SLC28A3: variants seen among roughly 807,000 people sequenced by gnomAD.
The protein encoded by SLC28A3 is solute carrier family 28 member 3.
SLC28A3 carries 68 observed loss-of-function variants against 84.2 expected under a neutral mutation model. The ratio of observed to expected loss-of-function variants is 0.81; its 90% confidence interval spans 0.66 to 0.99. The LOEUF (loss-of-function observed/expected upper bound fraction) is 0.99, where lower values mean the gene tolerates loss of function less well. Ranked by LOEUF, SLC28A3 falls within the 50% of genes least tolerant of loss-of-function variation. SLC28A3 has a pLI of 0.00. For missense variants in SLC28A3, 712 were observed against 841.5 expected (o/e 0.85, Z 1.90); for synonymous variants, 267 against 303.6 (o/e 0.88, Z 1.25).
At chr9:84,293,310 T>C (rs538790731) in intron 9 of SLC28A3, among the ~76,000 whole-genome samples, 42 of 152,334 alleles carry the variant, frequency 2.8e-4, no homozygotes, top group Non-Finnish European at 3.8e-4. Context: ...CTAGAGATGG[T>C]GGATGAGGAC....
chr9:84,368,481 C>T, the SLC28A3 span, among the ~76,000 whole-genome samples: 1 of 152,118 alleles, frequency 6.6e-6, no homozygotes, highest in Non-Finnish European at 1.5e-5. Flanking sequence ...GTTCAGGTCC[C>T]AAGCGCTCTT....
intron 1 of SLC28A3, among the ~76,000 whole-genome samples, chr9:84,315,108 G>A (rs1403949770): frequency 6.6e-6 from 1 of 152,120 alleles, no homozygotes; most frequent in Non-Finnish European, 1.5e-5. Context: ...AGCATGAAAA[G>A]AAAAAATATA....
rs146601418 is a variant in SLC28A3 at position 84,325,976 on chromosome 9, G to A, written c.61-12522C>T. On this transcript the variant is annotated intron_variant, in intron 1 of 17. Transcript: ENST00000376238. ...GTAAGTGGCTTCTTATAAGGACTAGGTTAAATACCTAGTCCTTGTGTGGGG... is the reference window on the plus strand; with the variant it reads ...GTAAGTGGCTTCTTATAAGGACTAGATTAAATACCTAGTCCTTGTGTGGGG... Among the ~76,000 whole-genome samples the A allele has an allele frequency of 1.8e-3, 275 of 152,268 alleles. 6 individuals are homozygous for A. The East Asian group carries it at 0.037, about 20-fold the overall frequency.
At chr9:84,338,679 C>T (rs757065984) in intron 1 of SLC28A3, among the ~76,000 whole-genome samples, 1 of 152,194 alleles carries the variant, frequency 6.6e-6, no homozygotes, top group Non-Finnish European at 1.5e-5. Flanking sequence ...TGGACCTTCT[C>T]TATTGCAGAT....
chr9:84,314,826 C>G (rs1210727799), intron 1 of SLC28A3, among the ~76,000 whole-genome samples: 2 of 152,206 alleles, frequency 1.3e-5, no homozygotes, highest in African/African-American at 4.8e-5. Flanking sequence ...CGCCCGTAAT[C>G]CCAGCACTTT....
At chr9:84,296,090 G>A (rs912943500) in intron 8 of SLC28A3, among the ~76,000 whole-genome samples, 4 of 152,126 alleles carry the variant, frequency 2.6e-5, no homozygotes, top group African/African-American at 9.7e-5. Context: ...GAAAACACCT[G>A]TATAGTCTGG....
the SLC28A3 span, among the ~76,000 whole-genome samples, chr9:84,360,831 G>A: frequency 5.3e-5 from 8 of 152,026 alleles, no homozygotes; most frequent in African/African-American, 2.4e-5. Context: ...TGGAAGGATC[G>A]CTTGAGCCTA....
At chr9:84,301,719 G>T (rs1389430115) in intron 5 of SLC28A3, among the ~76,000 whole-genome samples, 1 of 152,184 alleles carries the variant, frequency 6.6e-6, no homozygotes, top group Non-Finnish European at 1.5e-5. Context: ...CAGGTACTGA[G>T]ATTAGATGGC....
the SLC28A3 span, among the ~76,000 whole-genome samples, chr9:84,357,076 T>C: frequency 2.0e-5 from 3 of 152,200 alleles, no homozygotes; most frequent in Non-Finnish European, 4.4e-5. Flanking sequence ...TCTTCCCTGC[T>C]AGACTGTCAG....
intron 1 of SLC28A3, among the ~76,000 whole-genome samples, chr9:84,324,338 A>G (rs1826479463): frequency 6.6e-6 from 1 of 152,168 alleles, no homozygotes; most frequent in Non-Finnish European, 1.5e-5. Context: ...GGCTCAGTAA[A>G]TTAAATTAGA....
chr9:84,303,969 G>T (rs1156469221), intron 4 of SLC28A3, among the ~76,000 whole-genome samples: 1 of 152,112 alleles, frequency 6.6e-6, no homozygotes, highest in Non-Finnish European at 1.5e-5. Context: ...CTCCCTCAAA[G>T]TACTTGTTTC....
At chr9:84,292,565 T>G (rs1345535959) in intron 10 of SLC28A3, 103 bp downstream of exon 10, 7 of 890,114 alleles carry the variant, frequency 7.9e-6, no homozygotes, top group Non-Finnish European at 1.2e-5. Flanking sequence ...TTGACACCAT[T>G]TTCTCTACAC....
chr9:84,278,251 G>T lies in SLC28A3; in HGVS notation c.2043C>A (p.Thr681=), dbSNP rs776552849. The T allele has an allele frequency of 2.5e-6, 4 of 1,614,028 alleles. No individual in the cohort carries two copies. Among genetic ancestry groups the T allele is most frequent in the Non-Finnish European group, 3.4e-6 (4 of 1,179,968 alleles). ...KGCCTLLNPS[T]FNCNGISNTF ...TATTAGAGATCCCATTGCAGTTAAA[G>T]GTCGATGGATTCAACAATGTGCAGC... Residue 681 remains threonine, a synonymous_variant, in exon 18 of 18, where the codon ACC becomes ACA. Transcript: ENST00000376238.
chr9:84,279,155 A>G lies in SLC28A3; in HGVS notation c.1949+110T>C. 8.5e-6 allele frequency: 9 copies of G among 1,062,570 alleles called. No individual in the cohort carries two copies. In the South Asian group the frequency reaches 2.1e-4, roughly 25 times the overall value. The allele number at this position is 1,062,570 out of a possible 1,614,324, so 65.8% of individuals were successfully genotyped here. On this transcript the variant is annotated intron_variant, in intron 17 of 17. Transcript: ENST00000376238. ...GCCACTGCACTCCAGCCTGGGAGAC[A>G]GAGCAAGACTCCGTCTCAAAAAAAA...
At chr9:84,326,358 A>G (rs1826546658) in intron 1 of SLC28A3, among the ~76,000 whole-genome samples, 1 of 152,134 alleles carries the variant, frequency 6.6e-6, no homozygotes, top group Non-Finnish European at 1.5e-5. Flanking sequence ...ACTGGAGCCT[A>G]TTGGTACCAA....
intron 2 of SLC28A3, among the ~76,000 whole-genome samples, chr9:84,311,847 T>G (rs1304204647): frequency 6.6e-6 from 1 of 152,116 alleles, no homozygotes; most frequent in Non-Finnish European, 1.5e-5. Flanking sequence ...AGAGCGAGAT[T>G]CCATCTCAAA....
At chr9:84,323,358 G>A (rs1826441035) in intron 1 of SLC28A3, among the ~76,000 whole-genome samples, 1 of 152,116 alleles carries the variant, frequency 6.6e-6, no homozygotes, top group African/African-American at 2.4e-5. Flanking sequence ...AATCCAGGCA[G>A]ACTGACTAAA....
intron 1 of SLC28A3, among the ~76,000 whole-genome samples, chr9:84,329,627 T>C (rs1172673780): frequency 6.6e-6 from 1 of 151,856 alleles, no homozygotes; most frequent in Non-Finnish European, 1.5e-5. Context: ...AATAGTTTGA[T>C]AATAATTAAA....
chr9:84,278,278 G>A lies in SLC28A3; in HGVS notation c.2016C>T (p.Gly672=). The change falls in exon 18 of 18, where the codon GGC becomes GGT. Residue 672 remains glycine (G), a synonymous_variant. Coordinates refer to ENST00000376238, the MANE Select transcript of SLC28A3 (RefSeq NM_001199633.2). ...TCGATGGATTCAACAATGTGCAGCA[G>A]CCCTTCAAAGAATACAGACTGTGGT... ...GGNHSLYSLK[G]CCTLLNPSTF... The A allele has an allele frequency of 6.2e-7, 1 of 1,614,138 alleles. No individual in the cohort carries two copies. The highest frequency in any genetic ancestry group is 8.5e-7 in the Non-Finnish European group (1 of 1,180,020).
Sources: gnomAD v4.1 joint callset for allele counts (sites outside exome capture counted in the v4.1 genomes callset) on GRCh38, gnomAD v4.1.1 for gene constraint, MANE v1.5 for transcripts, NCBI Gene and HGNC (gene_info 2026-07-23, HGNC 2026-07-21) for gene names.